The following CAST variants were observed in gnomAD, a reference collection of about 807,000 sequenced individuals.
CAST encodes MIR583 host.
CAST carries 76 observed loss-of-function variants against 119.6 expected under a neutral mutation model. That is an observed-to-expected ratio of 0.64 (90% CI 0.53 to 0.77). The LOEUF is 0.77. CAST is among the 30% of genes least tolerant of loss of function. CAST has a pLI of 0.00. For missense variants in CAST, 953 were observed against 946.5 expected (o/e 1.01, Z -0.09); for synonymous variants, 319 against 331.6 (o/e 0.96, Z 0.41).
chr5:96,741,313 C>T lies in CAST; in HGVS notation c.966C>T (p.Phe322=), dbSNP rs1366656698. ...CTATAGACGCCTTGTCATCTGACTT[C>T]ACCTGTGGGTCGCCTACAGCTGCTG... ...DDAIDALSSD[F]TCGSPTAAGK... Residue 322 remains phenylalanine, a synonymous_variant, in exon 14 of 32, where the codon TTC becomes TTT. Coordinates refer to ENST00000675179, the MANE Select transcript of CAST (RefSeq NM_001750.7). 1 of 1,613,512 alleles carries T rather than the reference C, an allele frequency of 6.2e-7. No individual in the cohort carries two copies. The highest frequency in any genetic ancestry group is 2.2e-5 in the East Asian group (1 of 44,878).
chr5:96,568,340 A>G (rs1580828344), intron 1 of CAST, among the ~76,000 whole-genome samples: 2 of 152,216 alleles, frequency 1.3e-5, no homozygotes, highest in South Asian at 2.1e-4. Flanking sequence ...CGAAGCAGGC[A>G]GATCACTTGA....
intron 1 of CAST, among the ~76,000 whole-genome samples, chr5:96,547,807 C>T (rs1254742690): frequency 6.6e-6 from 1 of 152,156 alleles, no homozygotes; most frequent in East Asian, 1.9e-4. Flanking sequence ...TCTTTCAAGT[C>T]TTTAATGGTG....
the CAST span, chr5:96,433,396 G>T: frequency 2.7e-6 from 1 of 367,012 alleles, no homozygotes; most frequent in Middle Eastern, 9.2e-4. Flanking sequence ...AGCAGCCAGG[G>T]ATTAGGAAAA....
chr5:96,250,699 G>A, the CAST span, among the ~76,000 whole-genome samples: 29 of 151,994 alleles, frequency 1.9e-4, no homozygotes, highest in Admixed American at 1.9e-3. Context: ...TAGATATAAG[G>A]TAGGCAACAG....
chr5:96,597,781 G>T (rs987957947), intron 1 of CAST, among the ~76,000 whole-genome samples: 6 of 152,064 alleles, frequency 3.9e-5, no homozygotes, highest in Non-Finnish European at 8.8e-5. Context: ...ATTTATTCAG[G>T]CCTCATTATA....
the CAST span, among the ~76,000 whole-genome samples, chr5:95,962,472 A>T: frequency 6.6e-6 from 1 of 152,210 alleles, no homozygotes; most frequent in Non-Finnish European, 1.5e-5. Flanking sequence ...TCTAAACTTG[A>T]AGTTATCGGG....
At chr5:96,268,428 A>G in the CAST span, among the ~76,000 whole-genome samples, 1 of 152,206 alleles carries the variant, frequency 6.6e-6, no homozygotes, top group South Asian at 2.1e-4. Context: ...AAATTTTATA[A>G]TTAGCTGAAT....
chr5:96,131,959 A>G, the CAST span, among the ~76,000 whole-genome samples: 1 of 152,092 alleles, frequency 6.6e-6, no homozygotes, highest in Non-Finnish European at 1.5e-5. Flanking sequence ...CACAAACCCA[A>G]CTGGATAAGT....
chr5:96,159,732 T>C, the CAST span, among the ~76,000 whole-genome samples: 1 of 152,234 alleles, frequency 6.6e-6, no homozygotes, highest in Admixed American at 6.5e-5. Context: ...TATTACCATT[T>C]AGTCCACTAT....
At chr5:96,522,569 T>G (rs1467502148), upstream of CAST, among the ~76,000 whole-genome samples, 2 of 152,238 alleles carry the variant, frequency 1.3e-5, no homozygotes, top group African/African-American at 4.8e-5. Context: ...ATGTAGCCTA[T>G]GCTTTTCCTG....
chr5:96,258,290 C>T, the CAST span, among the ~76,000 whole-genome samples: 1 of 152,102 alleles, frequency 6.6e-6, no homozygotes, highest in Non-Finnish European at 1.5e-5. Context: ...CTCACTGTTT[C>T]AGAGGCAGGT....
intron 1 of CAST, 75 bp downstream of exon 1, chr5:96,662,572 T>C: frequency 1.5e-6 from 2 of 1,307,206 alleles, no homozygotes; most frequent in Non-Finnish European, 1.9e-6. Flanking sequence ...CCGCCCTCCC[T>C]GGGCGTTGCC....
intron 1 of CAST, among the ~76,000 whole-genome samples, chr5:96,643,879 T>A (rs1447419263): frequency 6.6e-6 from 1 of 151,242 alleles, no homozygotes; most frequent in African/African-American, 2.4e-5. Flanking sequence ...CTCAAAAAAA[T>A]AATAATAATA....
At chr5:96,395,779 T>G in the CAST span, among the ~76,000 whole-genome samples, 5 of 152,066 alleles carry the variant, frequency 3.3e-5, no homozygotes, top group African/African-American at 1.2e-4. Flanking sequence ...ACTCCAGAAC[T>G]TAAAGTATAA....
chr5:96,599,505 G>A (rs1747107430), intron 1 of CAST, among the ~76,000 whole-genome samples: 2 of 152,094 alleles, frequency 1.3e-5, no homozygotes, highest in South Asian at 4.1e-4. Flanking sequence ...ATAAGAACCT[G>A]GAAGTCTTAA....
At chr5:96,661,670 A>C (rs1748509445), upstream of CAST, among the ~76,000 whole-genome samples, 1 of 152,226 alleles carries the variant, frequency 6.6e-6, no homozygotes, top group Admixed American at 6.5e-5. Context: ...AGATGAGCCC[A>C]AGAAGAAAGC....
At chr5:96,019,620 G>A in the CAST span, among the ~76,000 whole-genome samples, 15 of 152,250 alleles carry the variant, frequency 9.9e-5, no homozygotes, top group Non-Finnish European at 1.6e-4. Context: ...ATCTGCTTCT[G>A]ATATCTAGAC....
At chr5:96,361,901 T>C in the CAST span, among the ~76,000 whole-genome samples, 1 of 150,754 alleles carries the variant, frequency 6.6e-6, no homozygotes, top group Non-Finnish European at 1.5e-5. Flanking sequence ...TCATTACATA[T>C]GTATACATGT....
At chr5:96,493,439 G>A in the CAST span, among the ~76,000 whole-genome samples, 1 of 152,130 alleles carries the variant, frequency 6.6e-6, no homozygotes, top group African/African-American at 2.4e-5. Context: ...AGGAAAAGTG[G>A]CTCAGCTTTT....
Sources: allele counts gnomAD v4.1 joint callset (sites outside exome capture counted in the v4.1 genomes callset), GRCh38; gene constraint gnomAD v4.1.1; transcripts MANE v1.5; gene names NCBI Gene and HGNC (gene_info 2026-07-23, HGNC 2026-07-21).